Variants in PDE4D observed in about 807,000 individuals in gnomAD.
PDE4D encodes 3',5'-cyclic-AMP phosphodiesterase 4D.
PDE4D carries 24 observed loss-of-function variants against 87.4 expected under a neutral mutation model. The ratio of observed to expected loss-of-function variants is 0.27; its 90% CI spans 0.20 to 0.39. The LOEUF is 0.39. Among genes scored for constraint, PDE4D ranks in the 10% least tolerant of loss-of-function variants. The pLI is 1.00. For synonymous variants in PDE4D, 384 were observed against 383.2 expected (o/e 1.00, Z -0.02); for missense variants, 714 against 1,041.0 (o/e 0.69, Z 4.32).
At chr5:59,060,951 A>G (rs1037967448) in intron 5 of PDE4D, among the ~76,000 whole-genome samples, 2 of 152,160 alleles carry the variant, frequency 1.3e-5, no homozygotes, top group African/African-American at 4.8e-5. Context: ...ATGAAGAATA[A>G]CACTGCTTCC....
chr5:59,043,901 C>A (rs533164878), intron 5 of PDE4D, among the ~76,000 whole-genome samples: 7 of 152,284 alleles, frequency 4.6e-5, no homozygotes, highest in African/African-American at 1.7e-4. Flanking sequence ...TTTTTCATGG[C>A]TGCATAGTAT....
chr5:59,326,355 G>A (rs1184904715), intron 1 of PDE4D, among the ~76,000 whole-genome samples: 1 of 151,200 alleles, frequency 6.6e-6, no homozygotes, highest in Non-Finnish European at 1.5e-5. Flanking sequence ...TATAACCCAT[G>A]GTAAAAATAC....
intron 1 of PDE4D, among the ~76,000 whole-genome samples, chr5:59,769,214 CTAGT>C (rs1763199508): frequency 6.6e-6 from 1 of 152,130 alleles, no homozygotes; most frequent in African/African-American, 2.4e-5. Flanking sequence ...CCCTCTGTCT[CTAGT>C]TAGAACCCAA....
chr5:59,661,500 T>G (rs914231406), intron 1 of PDE4D, among the ~76,000 whole-genome samples: 15 of 152,340 alleles, frequency 9.8e-5, no homozygotes, highest in African/African-American at 3.4e-4. Flanking sequence ...TCTAGATGTT[T>G]GCATAAGCAA....
intron 5 of PDE4D, among the ~76,000 whole-genome samples, chr5:59,068,486 T>A (rs898185583): frequency 5.9e-5 from 9 of 152,132 alleles, no homozygotes; most frequent in African/African-American, 1.7e-4. Flanking sequence ...GAGCAAAGCA[T>A]TCGTGGTTTC....
Position 59,988,249 on chromosome 5 carries a change from T to G in PDE4D, c.272+239A>C. The G allele has an allele frequency of 9.9e-6, 4 of 402,166 alleles. 1 individual carries two copies. In the South Asian group the frequency reaches 3.1e-4, roughly 31 times the overall value. 24.9% of individuals were successfully genotyped at this position (402,166 alleles called of 1,614,324 possible). The stretch of plus-strand genomic sequence containing the variant: ...CCAAGTACAACTGCCCTTTGGCAAA[T>G]GTTTATTAGCATTCACCAATACATT... On this transcript the variant is annotated intron_variant, in intron 3 of 16. Coordinates refer to the PDE4D transcript ENST00000502484.
chr5:59,578,056 T>C (rs1029057653), intron 1 of PDE4D, among the ~76,000 whole-genome samples: 1 of 152,158 alleles, frequency 6.6e-6, no homozygotes. Flanking sequence ...GCAGGTTACA[T>C]ATATATGGAT....
At chr5:59,260,779 C>T (rs752333906) in intron 1 of PDE4D, among the ~76,000 whole-genome samples, 1 of 151,454 alleles carries the variant, frequency 6.6e-6, no homozygotes, top group Non-Finnish European at 1.5e-5. Flanking sequence ...GCATATAAAG[C>T]TAAGAGAAGG....
Position 59,255,282 on chromosome 5 carries a change from T to C in PDE4D, c.456-39314A>G, listed in dbSNP as rs187759710. Among the ~76,000 whole-genome samples the C allele has an allele frequency of 3.3e-5, 5 of 152,222 alleles. No individual in the cohort carries two copies. The East Asian group carries it at 5.8e-4, about 18-fold the overall frequency. ...ACATGAATGAGACTTGAAAACATTA[T>C]GCTAAGTGAAAGAAGCAAGTCACAA... On this transcript the variant is annotated intron_variant, in intron 1 of 14. Transcript: ENST00000340635.
At chr5:59,941,666 G>C (rs567976233) in intron 3 of PDE4D, among the ~76,000 whole-genome samples, 24 of 152,328 alleles carry the variant, frequency 1.6e-4, no homozygotes, top group Non-Finnish European at 2.9e-4. Flanking sequence ...TCTCAAGATG[G>C]AGGTGGAGAA....
intron 1 of PDE4D, among the ~76,000 whole-genome samples, chr5:60,333,019 A>C (rs34353877): frequency 6.6e-6 from 1 of 152,094 alleles, no homozygotes; most frequent in Non-Finnish European, 1.5e-5. Context: ...TCTAAGGCAG[A>C]TGCAGGAAGG....
At chr5:59,335,348 GAGGAAAC>G (rs1220121415) in intron 1 of PDE4D, among the ~76,000 whole-genome samples, 1 of 152,196 alleles carries the variant, frequency 6.6e-6, no homozygotes, top group Non-Finnish European at 1.5e-5. Context: ...CCATTTTGCA[GAGGAAAC>G]AGCTATGAAG....
At position 58,973,871 on chromosome 5, in the gene PDE4D, CAATG is replaced by C. The variant is rs1048371761; in HGVS notation, c.*789_*792del. 5 of 152,632 alleles carry C rather than the reference CAATG, an allele frequency of 3.3e-5. No individual in the cohort carries two copies. Among genetic ancestry groups the C allele is most frequent in the East Asian group, 3.9e-4 (2 of 5,184 alleles). The allele number at this position is 152,632 out of a possible 1,614,324, so 9.5% of individuals were successfully genotyped here. A position where few individuals can be genotyped will look rare whatever the true frequency, so the allele number is the denominator to read the frequency against. On this transcript the variant is annotated 3_prime_UTR_variant, in exon 15 of 15. Transcript: ENST00000340635. Reference sequence around the variant, plus strand: ...GGAAGTCATTGGTATATAAAACAAACAATGAATCACTACAAATCAGTTAATTGCT... The same window carrying C: ...GGAAGTCATTGGTATATAAAACAAACAATCACTACAAATCAGTTAATTGCT...
At chr5:60,459,141 A>G (rs948566308) in intron 1 of PDE4D, among the ~76,000 whole-genome samples, 2 of 152,192 alleles carry the variant, frequency 1.3e-5, no homozygotes, top group African/African-American at 4.8e-5. Flanking sequence ...CAAAATTACA[A>G]TAGAGAAAGT....
At position 59,091,661 on chromosome 5, in the gene PDE4D, G is replaced by C. The variant is rs111310061; in HGVS notation, c.809-52690C>G. On this transcript the variant is annotated intron_variant, in intron 5 of 14. Transcript: ENST00000340635. ...GTAGGAAAAGTAAAAGTAAAGTCAA[G>C]ATAGTGGTGACCTATCTGGAGAGGA... Among the ~76,000 whole-genome samples the C allele has an allele frequency of 3.3e-5, 5 of 152,090 alleles. No individual in the cohort carries two copies. The East Asian group carries it at 9.6e-4, about 29-fold the overall frequency.
intron 1 of PDE4D, among the ~76,000 whole-genome samples, chr5:59,753,015 C>T (rs1760705634): frequency 6.6e-6 from 1 of 152,138 alleles, no homozygotes; most frequent in Non-Finnish European, 1.5e-5. Flanking sequence ...ATTTGTATAT[C>T]TGGGCTTCTT....
chr5:59,745,793 A>G (rs1378819611), intron 1 of PDE4D, among the ~76,000 whole-genome samples: 3 of 152,200 alleles, frequency 2.0e-5, no homozygotes, highest in Non-Finnish European at 4.4e-5. Context: ...TGTTGCTTGC[A>G]GGGCGCACTC....
At chr5:60,315,367 T>C (rs1037693039) in intron 1 of PDE4D, among the ~76,000 whole-genome samples, 2 of 152,222 alleles carry the variant, frequency 1.3e-5, no homozygotes, top group African/African-American at 4.8e-5. Flanking sequence ...TTTGAGTTCA[T>C]TGTAGATTCT....
At chr5:59,470,878 A>C (rs1017210146) in intron 1 of PDE4D, among the ~76,000 whole-genome samples, 1 of 152,202 alleles carries the variant, frequency 6.6e-6, no homozygotes, top group African/African-American at 2.4e-5. Context: ...TAACTTAAAA[A>C]AAATCAGTCC....
Sources: allele counts gnomAD v4.1 joint callset (sites outside exome capture counted in the v4.1 genomes callset), GRCh38; gene constraint gnomAD v4.1.1; transcripts MANE v1.5; gene names NCBI Gene and HGNC (gene_info 2026-07-23, HGNC 2026-07-21).